TXNDC11: variants seen among roughly 807,000 people sequenced by gnomAD.
TXNDC11 encodes the protein thioredoxin domain-containing protein 11.
A neutral mutation model predicts 78.0 loss-of-function variants in TXNDC11; 68 were observed. That is an observed-to-expected ratio of 0.87 (90% CI 0.72 to 1.07). TXNDC11 has a LOEUF of 1.07. Among genes scored for constraint, TXNDC11 ranks in the 50% least tolerant of loss-of-function variants. The probability of loss-of-function intolerance (pLI) is 0.00; values close to 1 mark genes in which losing one functional copy is unlikely to be tolerated. For synonymous variants in TXNDC11, 571 were observed against 495.2 expected, an observed-to-expected ratio of 1.15 and a Z score of -2.03; for missense variants, 1,389 against 1,221.8, an observed-to-expected ratio of 1.14 and a Z score of -2.04.
At chr16:11,730,877 G>T in intron 3 of TXNDC11, 103 bp from the exon 4 acceptor site, 1 of 924,780 alleles carries the variant, frequency 1.1e-6, no homozygotes, top group Non-Finnish European at 1.5e-6. Context: ...CAAAATGAAA[G>T]TGTCTTGCTT....
At chr16:11,680,635 A>G (rs942425351) in intron 11 of TXNDC11, among the ~76,000 whole-genome samples, 10 of 152,070 alleles carry the variant, frequency 6.6e-5, no homozygotes, top group Admixed American at 3.3e-4. Context: ...CCTGGCTGCA[A>G]TTGATCAAAA....
chr16:11,726,487 G>A (rs1372625025), intron 4 of TXNDC11, among the ~76,000 whole-genome samples: 2 of 150,272 alleles, frequency 1.3e-5, no homozygotes, highest in African/African-American at 4.9e-5. Flanking sequence ...GGCTGAGGCA[G>A]GAGAATCACT....
intron 10 of TXNDC11, among the ~76,000 whole-genome samples, chr16:11,685,648 C>CAA (rs1375804851): frequency 7.0e-6 from 1 of 142,182 alleles, no homozygotes; most frequent in Admixed American, 7.2e-5. Flanking sequence ...GACTCCATCT[C>CAA]AAAAAAAAAA....
intron 7 of TXNDC11, among the ~76,000 whole-genome samples, chr16:11,696,214 T>A (rs1313485306): frequency 6.6e-6 from 1 of 152,026 alleles, no homozygotes; most frequent in East Asian, 1.9e-4. Flanking sequence ...GTCCCTCATG[T>A]CTCTGCTCAG....
At chr16:11,708,139 T>C (rs1471766662) in intron 5 of TXNDC11, among the ~76,000 whole-genome samples, 1 of 152,220 alleles carries the variant, frequency 6.6e-6, no homozygotes, top group East Asian at 1.9e-4. Flanking sequence ...TCATATTGTA[T>C]TTCCATTAGA....
intron 11 of TXNDC11, among the ~76,000 whole-genome samples, chr16:11,683,813 G>T (rs1022143808): frequency 6.9e-6 from 1 of 144,432 alleles, no homozygotes; most frequent in African/African-American, 2.6e-5. Context: ...GTGCAGTGGT[G>T]TGATCTTGGC....
intron 1 of TXNDC11, among the ~76,000 whole-genome samples, chr16:11,737,933 T>G (rs1309779337): frequency 1.3e-5 from 2 of 150,760 alleles, no homozygotes; most frequent in South Asian, 4.2e-4. Context: ...GACCCAATTA[T>G]GCACTATCTA....
At chr16:11,684,274 G>A (rs2050508025) in intron 10 of TXNDC11, 29 bp from the exon 11 acceptor site, 4 of 1,559,130 alleles carry the variant, frequency 2.6e-6, no homozygotes, top group Non-Finnish European at 3.5e-6. Context: ...AGAAATGGCA[G>A]ATGATCAGCC....
intron 5 of TXNDC11, among the ~76,000 whole-genome samples, chr16:11,712,572 T>C (rs1439294926): frequency 6.6e-6 from 1 of 152,190 alleles, no homozygotes; most frequent in Admixed American, 6.5e-5. Flanking sequence ...GGTTGTTGAA[T>C]TATTTAATAA....
At chr16:11,688,654 T>A (rs1312543451) in intron 8 of TXNDC11, 1 of 464,222 alleles carries the variant, frequency 2.2e-6, no homozygotes, top group Non-Finnish European at 3.9e-6. Context: ...GTAATGTGGA[T>A]AACAAAACAC....
chr16:11,708,502 G>A (rs986646869), intron 5 of TXNDC11, among the ~76,000 whole-genome samples: 3 of 152,194 alleles, frequency 2.0e-5, no homozygotes, highest in East Asian at 3.8e-4. Flanking sequence ...GAAACTCCAG[G>A]TCTGAACAAT....
chr16:11,725,159 TATC>T (rs1313260707), intron 4 of TXNDC11, among the ~76,000 whole-genome samples: 1 of 152,186 alleles, frequency 6.6e-6, no homozygotes, highest in Non-Finnish European at 1.5e-5. Context: ...ACAAGGGAAG[TATC>T]ATTGTAGTGC....
chr16:11,695,596 C>T (rs1446530921), intron 7 of TXNDC11, among the ~76,000 whole-genome samples: 2 of 152,168 alleles, frequency 1.3e-5, no homozygotes, highest in South Asian at 2.1e-4. Context: ...ACAGTTTCCC[C>T]GATCATAGAC....
rs2050710377 is a variant in TXNDC11 at position 11,691,418 on chromosome 16, C to T, written c.1772G>A (p.Trp591Ter). The part of the protein sequence containing the change: ...NIYLLDSNLF[W>*]LYAERLGAPS... ...AGCACCCAGTCTCTCTGCATATAAC[C>T]AAAACAAATTTGAATCCAAAAGGTA... The change falls in exon 8 of 12, where the codon TGG becomes TAG. Residue 591 changes from tryptophan (W) to a stop codon, truncating the protein, a stop_gained. Coordinates refer to ENST00000283033, the MANE Select transcript of TXNDC11 (RefSeq NM_015914.7). LOFTEE classifies it high-confidence loss of function. The T allele has an allele frequency of 1.2e-6, 2 of 1,614,092 alleles. No individual in the cohort carries two copies. The highest frequency in any genetic ancestry group is 1.7e-6 in the Non-Finnish European group (2 of 1,180,048).
intron 1 of TXNDC11, among the ~76,000 whole-genome samples, chr16:11,738,406 A>G (rs916183782): frequency 6.6e-6 from 1 of 152,248 alleles, no homozygotes; most frequent in Non-Finnish European, 1.5e-5. Context: ...GGGCACAAGC[A>G]CTAAGGCTGC....
Position 11,691,835 on chromosome 16 carries a change from C to T in TXNDC11, c.1355G>A (p.Gly452Asp), listed in dbSNP as rs1206621658. 8 of 1,614,254 alleles carry T rather than the reference C, an allele frequency of 5.0e-6. No homozygotes were observed. The highest frequency in any genetic ancestry group is 3.3e-5 in the South Asian group (3 of 91,090). The change falls in exon 8 of 12, where the codon GGC becomes GAC. Residue 452 changes from glycine (G) to aspartate (D), a missense_variant. Coordinates refer to ENST00000283033, the MANE Select transcript of TXNDC11 (RefSeq NM_015914.7). ...CACGCTGACCGAGCTCGGCTTCATGCCCCCGGAGGTCTGGTTGACACAGAG... is the reference window on the plus strand; with the variant it reads ...CACGCTGACCGAGCTCGGCTTCATGTCCCCGGAGGTCTGGTTGACACAGAG... ...CELCVNQTSGGMKPSSVSVPQ... is the reference protein window; with the variant it reads ...CELCVNQTSGDMKPSSVSVPQ...
chr16:11,709,907 A>C (rs2051293477), intron 5 of TXNDC11, among the ~76,000 whole-genome samples: 1 of 152,242 alleles, frequency 6.6e-6, no homozygotes, highest in African/African-American at 2.4e-5. Flanking sequence ...GTAAGTCTAA[A>C]GCACCATATT....
At chr16:11,709,731 G>C (rs539098027) in intron 5 of TXNDC11, among the ~76,000 whole-genome samples, 13 of 151,930 alleles carry the variant, frequency 8.6e-5, no homozygotes, top group Non-Finnish European at 1.6e-4. Flanking sequence ...CACCGCGCCT[G>C]GCAGCTGTGA....
chr16:11,682,856 C>T (rs1470148028), intron 11 of TXNDC11, among the ~76,000 whole-genome samples: 3 of 152,026 alleles, frequency 2.0e-5, no homozygotes, highest in African/African-American at 4.8e-5. Context: ...GAAGTACTCC[C>T]GCAAAAATTC....
Sources: gnomAD v4.1 joint callset for allele counts (sites outside exome capture counted in the v4.1 genomes callset) on GRCh38, gnomAD v4.1.1 for gene constraint, MANE v1.5 for transcripts, NCBI Gene and HGNC (gene_info 2026-07-23, HGNC 2026-07-21) for gene names.